Variants in CCSER1 observed in about 807,000 individuals in gnomAD.
CCSER1 encodes serine-rich coiled-coil domain-containing protein 1.
A neutral mutation model predicts 82.0 loss-of-function variants in CCSER1; 41 were observed. The observed-to-expected ratio is 0.50, with a 90% CI of 0.39 to 0.65. The LOEUF (loss-of-function observed/expected upper bound fraction) is 0.65. CCSER1 is among the 30% of genes least tolerant of loss of function. The pLI is 0.00. For synonymous variants in CCSER1, 414 were observed against 383.9 expected (o/e 1.08, Z -0.92); for missense variants, 1,119 against 1,064.2 (o/e 1.05, Z -0.72).
intron 9 of CCSER1, among the ~76,000 whole-genome samples, chr4:91,042,636 G>A (rs1326024801): frequency 1.3e-5 from 2 of 152,014 alleles, no homozygotes; most frequent in Admixed American, 1.3e-4. Context: ...GTGTTGCTAC[G>A]TTAGTAAATG....
intron 10 of CCSER1, among the ~76,000 whole-genome samples, chr4:91,274,505 C>G (rs1014980919): frequency 1.3e-5 from 2 of 152,106 alleles, no homozygotes; most frequent in African/African-American, 2.4e-5. Flanking sequence ...TTCCCAGGCC[C>G]TAGTATTTAT....
intron 5 of CCSER1, among the ~76,000 whole-genome samples, chr4:90,592,032 C>T (rs1782769580): frequency 1.3e-5 from 2 of 151,872 alleles, no homozygotes; most frequent in Admixed American, 1.3e-4. Flanking sequence ...GGGGGTCTGT[C>T]GCAGGATGGG....
chr4:90,706,340 G>A (rs1739342297), intron 6 of CCSER1, among the ~76,000 whole-genome samples: 1 of 152,168 alleles, frequency 6.6e-6, no homozygotes, highest in South Asian at 2.1e-4. Context: ...CAGCACTTTT[G>A]GAGGTTAAGG....
intron 10 of CCSER1, among the ~76,000 whole-genome samples, chr4:91,471,481 C>T (rs908300659): frequency 6.6e-6 from 1 of 152,144 alleles, no homozygotes; most frequent in Non-Finnish European, 1.5e-5. Context: ...ATGTGCTACT[C>T]TCACGGTTGT....
chr4:90,529,951 A>ATTT (rs1553934491), intron 5 of CCSER1, among the ~76,000 whole-genome samples: 12 of 127,096 alleles, frequency 9.4e-5, no homozygotes, highest in African/African-American at 3.4e-4. Flanking sequence ...ATATATATAT[A>ATTT]TTTTTTTTTT....
At chr4:91,243,563 T>A (rs1374226734) in intron 10 of CCSER1, among the ~76,000 whole-genome samples, 1 of 152,142 alleles carries the variant, frequency 6.6e-6, no homozygotes, top group Non-Finnish European at 1.5e-5. Context: ...GTCTTATGTG[T>A]TAGATACCAG....
chr4:90,419,018 G>A (rs1206079599), intron 4 of CCSER1, among the ~76,000 whole-genome samples: 1 of 151,998 alleles, frequency 6.6e-6, no homozygotes, highest in African/African-American at 2.4e-5. Context: ...ATTTGTGCAT[G>A]ATTACAGAGC....
At chr4:90,703,775 A>G (rs540876051) in intron 6 of CCSER1, among the ~76,000 whole-genome samples, 1 of 152,166 alleles carries the variant, frequency 6.6e-6, no homozygotes, top group South Asian at 2.1e-4. Context: ...AGTCTGTTTT[A>G]TCAGAGACTA....
At chr4:90,629,014 G>A (rs1321846788) in intron 6 of CCSER1, among the ~76,000 whole-genome samples, 1 of 151,968 alleles carries the variant, frequency 6.6e-6, no homozygotes, top group Non-Finnish European at 1.5e-5. Flanking sequence ...TTGTGTCTTT[G>A]TATTACATCC....
At chr4:90,382,854 TAG>T (rs1749418932) in intron 3 of CCSER1, among the ~76,000 whole-genome samples, 1 of 149,126 alleles carries the variant, frequency 6.7e-6, no homozygotes, top group East Asian at 2.0e-4. Flanking sequence ...TTTTATGTGT[TAG>T]AGTGTTCTTA....
chr4:91,156,274 C>T (rs1730812525), intron 10 of CCSER1, among the ~76,000 whole-genome samples: 1 of 151,624 alleles, frequency 6.6e-6, no homozygotes, highest in Admixed American at 6.6e-5. Context: ...TGAAATAATC[C>T]TTGGACTTTA....
At chr4:91,404,760 CAGTT>C (rs1394712658) in intron 10 of CCSER1, among the ~76,000 whole-genome samples, 8 of 152,114 alleles carry the variant, frequency 5.3e-5, no homozygotes, top group Admixed American at 1.3e-4. Flanking sequence ...GTCTGAGAGA[CAGTT>C]TGTTATAATT....
At chr4:90,161,798 A>AT (rs1398291426) in intron 1 of CCSER1, among the ~76,000 whole-genome samples, 1 of 152,104 alleles carries the variant, frequency 6.6e-6, no homozygotes, top group East Asian at 1.9e-4. Flanking sequence ...AAATTCTCAT[A>AT]TTTTTTTCAG....
At chr4:90,460,895 AT>A (rs1762812965) in intron 4 of CCSER1, among the ~76,000 whole-genome samples, 1 of 152,086 alleles carries the variant, frequency 6.6e-6, no homozygotes. Flanking sequence ...AAGTGTTAAC[AT>A]TTCTGAATAC....
At chr4:91,565,825 G>A (rs1274482240) in intron 10 of CCSER1, among the ~76,000 whole-genome samples, 1 of 151,968 alleles carries the variant, frequency 6.6e-6, no homozygotes, top group Admixed American at 6.6e-5. Context: ...ATAGAATTAT[G>A]TTATCTAAAA....
intron 5 of CCSER1, among the ~76,000 whole-genome samples, chr4:90,537,631 G>A (rs1418786098): frequency 6.6e-6 from 1 of 152,128 alleles, no homozygotes; most frequent in Non-Finnish European, 1.5e-5. Context: ...TGCTTTGTAT[G>A]AAGGAATTAT....
At chr4:90,842,978 A>G (rs1381235427) in intron 8 of CCSER1, among the ~76,000 whole-genome samples, 2 of 152,300 alleles carry the variant, frequency 1.3e-5, no homozygotes, top group South Asian at 2.1e-4. Context: ...TTAGGTTGGC[A>G]GAGCACATGA....
At chr4:90,491,722 A>G (rs1768048666) in intron 5 of CCSER1, among the ~76,000 whole-genome samples, 1 of 152,178 alleles carries the variant, frequency 6.6e-6, no homozygotes, top group South Asian at 2.1e-4. Context: ...CGTTTTTAGC[A>G]TGAAGTGTTG....
At chr4:90,361,421 C>A (rs1359582107) in intron 3 of CCSER1, among the ~76,000 whole-genome samples, 1 of 152,144 alleles carries the variant, frequency 6.6e-6, no homozygotes, top group Non-Finnish European at 1.5e-5. Flanking sequence ...TTGACTATTT[C>A]TCTGGGAATT....
Sources: allele counts gnomAD v4.1 joint callset (sites outside exome capture counted in the v4.1 genomes callset), GRCh38; gene constraint gnomAD v4.1.1; transcripts MANE v1.5; gene names NCBI Gene and HGNC (gene_info 2026-07-23, HGNC 2026-07-21).